The following BID variants were observed in gnomAD, a reference collection of about 807,000 sequenced individuals.
BID encodes BH3-interacting domain death agonist.
BID carries 19 observed loss-of-function variants against 17.4 expected under a neutral mutation model. The observed-to-expected ratio is 1.09, with a 90% CI of 0.76 to 1.60. The LOEUF (loss-of-function observed/expected upper bound fraction) is 1.60, where lower values mean the gene tolerates loss of function less well. Among genes scored for constraint, BID ranks in the 40% most tolerant of loss-of-function variants. BID has a pLI of 0.00. For missense variants in BID, 226 were observed against 256.0 expected (o/e 0.88, Z 0.80); for synonymous variants, 108 against 102.8 (o/e 1.05, Z -0.31).
At chr22:17,758,862 G>A (rs538588337) in intron 1 of BID, among the ~76,000 whole-genome samples, 9 of 152,162 alleles carry the variant, frequency 5.9e-5, no homozygotes, top group Non-Finnish European at 1.2e-4. Flanking sequence ...CCACTGAACT[G>A]TACGCTTAAA....
chr22:17,736,526 A>T (rs1163647134), intron 5 of BID, among the ~76,000 whole-genome samples: 1 of 151,848 alleles, frequency 6.6e-6, no homozygotes, highest in Non-Finnish European at 1.5e-5. Context: ...AGACACATCC[A>T]CTTAATTTCC....
In BID at chr22:17,746,355, TAAG is replaced by T. The variant is rs372809986; in HGVS notation, c.13-2345_13-2343del. Among the ~76,000 whole-genome samples, 1,080 of 152,294 alleles carry T rather than the reference TAAG, an allele frequency of 7.1e-3. 9 individuals carry two copies. Among genetic ancestry groups the T allele is most frequent in the African/African-American group, 0.024 (989 of 41,558 alleles). Reference sequence around the variant, plus strand: ...CCCCTGAATCTAAAATAAAATAAAATAAGGTGCTTGTGTATTGCTATTCAGCCT... The same window carrying T: ...CCCCTGAATCTAAAATAAAATAAAATGTGCTTGTGTATTGCTATTCAGCCT... On this transcript the variant is annotated intron_variant, in intron 2 of 5. Transcript: ENST00000622694.
chr22:17,743,718 G>T (rs902503575), intron 3 of BID, 85 bp downstream of exon 3: 3 of 1,391,068 alleles, frequency 2.2e-6, no homozygotes, highest in African/African-American at 1.4e-5. Context: ...GATCCCGGGG[G>T]TCCCTTCCAG....
At chr22:17,756,418 TTC>T (rs1168574601) in intron 1 of BID, among the ~76,000 whole-genome samples, 2 of 58,104 alleles carry the variant, frequency 3.4e-5, no homozygotes, top group African/African-American at 1.1e-4. Flanking sequence ...TTCTCTTTCT[TTC>T]TTTCTTTCTT....
At chr22:17,765,075 G>C (rs561933609) in intron 1 of BID, among the ~76,000 whole-genome samples, 1 of 152,108 alleles carries the variant, frequency 6.6e-6, no homozygotes, top group African/African-American at 2.4e-5. Context: ...AGAATTTGCC[G>C]AGTCAGTAAG....
At chr22:17,772,484 C>A (rs1003069755) in intron 1 of BID, among the ~76,000 whole-genome samples, 1 of 152,374 alleles carries the variant, frequency 6.6e-6, no homozygotes, top group South Asian at 2.1e-4. Context: ...CATGGGCTGA[C>A]AGCCAGAGCC....
At chr22:17,759,564 C>A (rs957332554) in intron 1 of BID, among the ~76,000 whole-genome samples, 4 of 151,726 alleles carry the variant, frequency 2.6e-5, no homozygotes, top group Non-Finnish European at 5.9e-5. Flanking sequence ...AACAAACAAA[C>A]AAAAAACAGA....
intron 5 of BID, 69 bp from the exon 6 acceptor site, chr22:17,735,660 T>C: frequency 6.3e-7 from 1 of 1,591,864 alleles, no homozygotes; most frequent in South Asian, 1.1e-5. Context: ...CAGAGCTCTG[T>C]GCCACAGTAG....
intron 2 of BID, among the ~76,000 whole-genome samples, chr22:17,745,611 C>T (rs1464993673): frequency 1.4e-4 from 22 of 152,070 alleles, no homozygotes; most frequent in Non-Finnish European, 2.5e-4. Context: ...GATCACACCA[C>T]TGCACTCCAA....
chr22:17,746,043 A>G (rs552688976), intron 2 of BID, among the ~76,000 whole-genome samples: 41 of 152,244 alleles, frequency 2.7e-4, no homozygotes, highest in Middle Eastern at 3.4e-3. Flanking sequence ...TGCAGCCATA[A>G]AAAAGAATAA....
At chr22:17,739,763 G>A in intron 3 of BID, 1 of 577,798 alleles carries the variant, frequency 1.7e-6, no homozygotes, top group East Asian at 2.9e-5. Flanking sequence ...GGTGAAGCTG[G>A]GGCATCACGA....
At chr22:17,751,094 C>T (rs2061535147) in intron 1 of BID, among the ~76,000 whole-genome samples, 1 of 151,984 alleles carries the variant, frequency 6.6e-6, no homozygotes, top group Non-Finnish European at 1.5e-5. Flanking sequence ...AGACTGAGGC[C>T]GGGCGCGGTG....
rs115389139 is a variant in BID at position 17,740,383 on chromosome 22, G to A, written c.224-895C>T. On this transcript the variant is annotated intron_variant, in intron 3 of 5. Coordinates refer to ENST00000622694, the MANE Select transcript of BID (RefSeq NM_001196.4). ...AAGGCCAGGAGTTAGAGGATGCAGTGAGCCGTGATTGCACCAGCAACAAAG... is the reference window on the plus strand; with the variant it reads ...AAGGCCAGGAGTTAGAGGATGCAGTAAGCCGTGATTGCACCAGCAACAAAG... The A allele has an allele frequency of 5.5e-3, 3,110 of 562,152 alleles. 99 individuals carry two copies. Among genetic ancestry groups the A allele is most frequent in the African/African-American group, 0.054 (2,855 of 52,584 alleles). The allele number at this position is 562,152 out of a possible 1,614,324, so 34.8% of individuals were successfully genotyped here.
chr22:17,749,012 T>G (rs1487845822), intron 2 of BID, among the ~76,000 whole-genome samples: 1 of 152,130 alleles, frequency 6.6e-6, no homozygotes, highest in Non-Finnish European at 1.5e-5. Context: ...CGTCCCCACC[T>G]TTGGAAAGGA....
At chr22:17,774,103 A>C in intron 1 of BID, 1 of 215,612 alleles carries the variant, frequency 4.6e-6, no homozygotes, top group Non-Finnish European at 9.3e-6. Context: ...AGGACACAAC[A>C]AAGCCTTCCC....
Position 17,756,410 on chromosome 22 carries a change from CTCTTTCTTTCTTTCTTTCTTTCT to C in BID, c.-58-6259_-58-6237del, listed in dbSNP as rs1202565290. On this transcript the variant is annotated intron_variant, in intron 1 of 5. Coordinates refer to ENST00000622694, the MANE Select transcript of BID (RefSeq NM_001196.4). ...GTTCTCTTTCTTTCTTTTCTTTTTTCTCTTTCTTTCTTTCTTTCTTTCTTCTTTCTTTCTTTCTTTCTTTCTTT... is the reference window on the plus strand; with the variant it reads ...GTTCTCTTTCTTTCTTTTCTTTTTTCTCTTTCTTTCTTTCTTTCTTTCTTT... Among the ~76,000 whole-genome samples the C allele has an allele frequency of 7.3e-3, 294 of 40,442 alleles. 1 individual carries two copies. The highest frequency in any genetic ancestry group is 0.065 in the East Asian group (7 of 108). The allele number at this position is 40,442 out of a possible 152,430, so 26.5% of individuals were successfully genotyped here. A position where few individuals can be genotyped will look rare whatever the true frequency, so the allele number is the denominator to read the frequency against.
chr22:17,737,950 T>C (rs1396275239), intron 5 of BID, 67 bp downstream of exon 5: 1 of 1,569,734 alleles, frequency 6.4e-7, no homozygotes, highest in African/African-American at 1.4e-5. Context: ...CCGCTGGGCT[T>C]CTCAACCTTC....
chr22:17,759,995 G>C lies in BID; in HGVS notation c.-58-9821C>G, dbSNP rs527842372. On this transcript the variant is annotated intron_variant, in intron 1 of 5. Transcript: ENST00000622694. ...TAAAAATACAAAAAATTAGCCGGGC[G>C]TGGTGGTGGGCACCTGTAGTCCCAG... 1.3e-3 allele frequency among the ~76,000 whole-genome samples: 198 copies of C among 151,826 alleles called. 2 individuals carry two copies. Among genetic ancestry groups the C allele is most frequent in the Middle Eastern group, 3.4e-3 (1 of 294 alleles).
intron 2 of BID, among the ~76,000 whole-genome samples, chr22:17,745,371 A>G (rs1569041130): frequency 6.6e-6 from 1 of 152,080 alleles, no homozygotes; most frequent in Non-Finnish European, 1.5e-5. Context: ...ACCCAGCAGC[A>G]AATTGTTTTA....
Sources: allele counts gnomAD v4.1 joint callset (sites outside exome capture counted in the v4.1 genomes callset), GRCh38; gene constraint gnomAD v4.1.1; transcripts MANE v1.5; gene names NCBI Gene and HGNC (gene_info 2026-07-23, HGNC 2026-07-21).